The following TDRD3 variants were observed in gnomAD, a reference collection of about 807,000 sequenced individuals.
The protein encoded by TDRD3 is tudor domain containing 3.
In TDRD3, 45 loss-of-function variants were observed where a neutral mutation model predicts 86.7. The observed-to-expected ratio is 0.52, with a 90% CI of 0.41 to 0.67. TDRD3 has a LOEUF of 0.67. Ranked by LOEUF, TDRD3 falls within the 30% of genes least tolerant of loss-of-function variation. The probability of loss-of-function intolerance (pLI) is 0.00; values close to 1 mark genes in which losing one functional copy is unlikely to be tolerated. For synonymous variants in TDRD3, 298 were observed against 301.7 expected, an observed-to-expected ratio of 0.99 and a Z score of 0.13; for missense variants, 814 against 889.0, an observed-to-expected ratio of 0.92 and a Z score of 1.07.
At chr13:60,441,942 A>T (rs978281231) in intron 2 of TDRD3, among the ~76,000 whole-genome samples, 1 of 152,216 alleles carries the variant, frequency 6.6e-6, no homozygotes, top group East Asian at 1.9e-4. Flanking sequence ...CATATTGTTT[A>T]TATGAATAAT....
intron 13 of TDRD3, among the ~76,000 whole-genome samples, chr13:60,569,473 C>T (rs1054331617): frequency 2.0e-5 from 3 of 151,998 alleles, no homozygotes; most frequent in Admixed American, 6.6e-5. Flanking sequence ...TTAGAAGAAT[C>T]GATAGTGTTA....
intron 2 of TDRD3, among the ~76,000 whole-genome samples, chr13:60,441,605 C>G (rs2048758404): frequency 1.3e-5 from 2 of 151,874 alleles, no homozygotes; most frequent in Admixed American, 1.3e-4. Flanking sequence ...GAATTTTTTT[C>G]AACTTTTGAG....
intron 6 of TDRD3, 124 bp from the exon 7 acceptor site, chr13:60,485,671 TTTTA>T: frequency 1.3e-6 from 1 of 749,780 alleles, no homozygotes; most frequent in South Asian, 4.7e-5. Flanking sequence ...TGGGATAGAA[TTTTA>T]TTTGTGTAGG....
chr13:60,397,456 C>A (rs1434564105), intron 1 of TDRD3, 51 bp downstream of exon 1: 15 of 1,454,644 alleles, frequency 1.0e-5, no homozygotes, highest in Non-Finnish European at 1.4e-5. Context: ...GGCCGGGGCC[C>A]CAGGGAGGTT....
At chr13:60,518,240 A>G (rs1033348617) in intron 10 of TDRD3, among the ~76,000 whole-genome samples, 1 of 152,268 alleles carries the variant, frequency 6.6e-6, no homozygotes, top group Admixed American at 6.5e-5. Flanking sequence ...AAGTGCTCCC[A>G]GCCCTGGCCC....
intron 1 of TDRD3, among the ~76,000 whole-genome samples, chr13:60,424,171 G>A (rs1472529354): frequency 7.9e-5 from 12 of 151,574 alleles, no homozygotes; most frequent in East Asian, 4.0e-4. Context: ...ACAGGCGCCC[G>A]CCACCATGCC....
chr13:60,493,632 C>A (rs1354205824), intron 7 of TDRD3, among the ~76,000 whole-genome samples: 1 of 152,094 alleles, frequency 6.6e-6, no homozygotes, highest in Non-Finnish European at 1.5e-5. Context: ...CACTGCACTC[C>A]AGTCTAGGTG....
intron 5 of TDRD3, among the ~76,000 whole-genome samples, chr13:60,472,992 G>C (rs1378193883): frequency 3.3e-5 from 5 of 152,090 alleles, no homozygotes; most frequent in African/African-American, 1.2e-4. Flanking sequence ...TTGTTGTTTT[G>C]CTTTTTGTTT....
intron 1 of TDRD3, among the ~76,000 whole-genome samples, chr13:60,422,780 C>T (rs908313471): frequency 2.0e-5 from 3 of 151,618 alleles, no homozygotes; most frequent in African/African-American, 4.8e-5. Flanking sequence ...AGAAAGTAGT[C>T]GAATATTATT....
chr13:60,520,516 G>C (rs1039824516), intron 10 of TDRD3, among the ~76,000 whole-genome samples: 1 of 152,082 alleles, frequency 6.6e-6, no homozygotes, highest in Non-Finnish European at 1.5e-5. Context: ...TTTCTCCACA[G>C]ACGTTTTCCC....
At chr13:60,541,451 G>A (rs1782195071) in intron 12 of TDRD3, among the ~76,000 whole-genome samples, 1 of 151,988 alleles carries the variant, frequency 6.6e-6, no homozygotes, top group Admixed American at 6.6e-5. Flanking sequence ...ATGGGTGTGA[G>A]CCACCTTGCC....
chr13:60,566,993 C>A (rs1958475219), intron 12 of TDRD3, among the ~76,000 whole-genome samples: 1 of 152,062 alleles, frequency 6.6e-6, no homozygotes, highest in African/African-American at 2.4e-5. Context: ...TTATTTTTTT[C>A]TGTCTCTAGA....
chr13:60,414,632 A>G (rs902906167), intron 1 of TDRD3, among the ~76,000 whole-genome samples: 1 of 152,170 alleles, frequency 6.6e-6, no homozygotes, highest in Non-Finnish European at 1.5e-5. Flanking sequence ...CCTTATTTGT[A>G]GTGACTAGTA....
intron 13 of TDRD3, 135 bp downstream of exon 13, chr13:60,567,785 G>C: frequency 8.7e-7 from 1 of 1,148,076 alleles, no homozygotes; most frequent in East Asian, 2.7e-5. Context: ...GTGCAGTGGC[G>C]TGATCTCGGC....
intron 4 of TDRD3, among the ~76,000 whole-genome samples, chr13:60,466,794 T>TA (rs1215632001): frequency 2.8e-5 from 4 of 144,346 alleles, no homozygotes. Flanking sequence ...GCTCTGTCTT[T>TA]TAAAAAAAAA....
chr13:60,413,495 A>G (rs1424050768), intron 1 of TDRD3, among the ~76,000 whole-genome samples: 1 of 152,174 alleles, frequency 6.6e-6, no homozygotes. Context: ...TGGTGTCAAT[A>G]TTATACCTAC....
chr13:60,487,500 A>AG (rs1253029906), intron 7 of TDRD3, among the ~76,000 whole-genome samples: 2 of 152,136 alleles, frequency 1.3e-5, no homozygotes, highest in Non-Finnish European at 2.9e-5. Context: ...TAAAAAAAAA[A>AG]GTATGCAAGA....
At chr13:60,405,366 A>G (rs1389693728) in intron 1 of TDRD3, among the ~76,000 whole-genome samples, 2 of 152,342 alleles carry the variant, frequency 1.3e-5, no homozygotes, top group Middle Eastern at 3.4e-3. Flanking sequence ...TACATATTCA[A>G]ACATACTGCA....
intron 6 of TDRD3, chr13:60,484,577 T>G (rs1956386744): frequency 2.7e-6 from 1 of 373,570 alleles, no homozygotes; most frequent in Non-Finnish European, 5.2e-6. Context: ...ATCATTTGAC[T>G]GTCACCCTCT....
Sources: allele counts gnomAD v4.1 joint callset (sites outside exome capture counted in the v4.1 genomes callset), GRCh38; gene constraint gnomAD v4.1.1; transcripts MANE v1.5; gene names NCBI Gene and HGNC (gene_info 2026-07-23, HGNC 2026-07-21).